MTMR2: variants seen among roughly 807,000 people sequenced by gnomAD.
MTMR2 encodes the protein phosphatidylinositol-3,5-bisphosphate 3-phosphatase MTMR2.
Under a neutral mutation model 86.9 loss-of-function variants are expected in MTMR2, and 55 were observed. The ratio of observed to expected loss-of-function variants is 0.63; its 90% CI spans 0.51 to 0.79. MTMR2 has a LOEUF of 0.79. Ranked by LOEUF, MTMR2 falls within the 30% of genes least tolerant of loss-of-function variation. The pLI, the probability that MTMR2 is intolerant of heterozygous loss-of-function variation, is 0.00. For missense variants in MTMR2, 659 were observed against 772.3 expected, an observed-to-expected ratio of 0.85 and a Z score of 1.74; for synonymous variants, 241 against 266.8, an observed-to-expected ratio of 0.90 and a Z score of 0.94.
At position 95,898,724 on chromosome 11, in the gene MTMR2, G is replaced by A. The variant is rs538301196; in HGVS notation, c.81-10463C>T. On this transcript the variant is annotated intron_variant, in intron 1 of 14. Coordinates refer to ENST00000346299, the MANE Select transcript of MTMR2 (RefSeq NM_016156.6). ...TATCCACAATAATATTGGGGAGAGAGACCACCTAACAATGCTGTATATGAA... is the reference window on the plus strand; with the variant it reads ...TATCCACAATAATATTGGGGAGAGAAACCACCTAACAATGCTGTATATGAA... 6.6e-5 allele frequency among the ~76,000 whole-genome samples: 10 copies of A among 152,222 alleles called. No individual in the cohort carries two copies. The East Asian group carries it at 1.9e-3, about 29-fold the overall frequency.
chr11:95,922,750 G>C (rs1866975389), intron 1 of MTMR2, among the ~76,000 whole-genome samples: 2 of 152,170 alleles, frequency 1.3e-5, no homozygotes, highest in African/African-American at 4.8e-5. Context: ...AGCTATGAGT[G>C]CATATGGCAA....
intron 12 of MTMR2, among the ~76,000 whole-genome samples, chr11:95,839,078 C>T (rs990737017): frequency 6.6e-6 from 1 of 151,870 alleles, no homozygotes; most frequent in Non-Finnish European, 1.5e-5. Flanking sequence ...AGATCCCTTC[C>T]TTTATAGTGG....
At chr11:95,900,428 G>A (rs1181625800) in intron 1 of MTMR2, among the ~76,000 whole-genome samples, 1 of 152,272 alleles carries the variant, frequency 6.6e-6, no homozygotes, top group East Asian at 1.9e-4. Context: ...AGGGAAATGA[G>A]AGAAAAGTCC....
chr11:95,842,147 A>C lies in MTMR2; in HGVS notation c.1387-438T>G, dbSNP rs191997025. The stretch of plus-strand genomic sequence containing the variant: ...AAGAGCATTGCAAAGTAAGTAAAAA[A>C]TCACCCATTATCCTGCCAAGCAGAA... On this transcript the variant is annotated intron_variant, in intron 11 of 14. Coordinates refer to ENST00000346299, the MANE Select transcript of MTMR2 (RefSeq NM_016156.6). 6.1e-3 allele frequency among the ~76,000 whole-genome samples: 936 copies of C among 152,284 alleles called. 12 individuals are homozygous for C. Among genetic ancestry groups the C allele is most frequent in the Non-Finnish European group, 7.0e-3 (477 of 68,022 alleles).
intron 1 of MTMR2, among the ~76,000 whole-genome samples, chr11:95,892,683 C>T (rs1451084090): frequency 1.3e-5 from 2 of 152,190 alleles, no homozygotes; most frequent in African/African-American, 4.8e-5. Context: ...TTCTAGTCAA[C>T]ACTCTGTCGC....
At chr11:95,892,343 G>A (rs775996218) in intron 1 of MTMR2, among the ~76,000 whole-genome samples, 1 of 152,132 alleles carries the variant, frequency 6.6e-6, no homozygotes, top group Non-Finnish European at 1.5e-5. Context: ...GTCTTGGAGT[G>A]TTCCAAGAAG....
intron 5 of MTMR2, among the ~76,000 whole-genome samples, chr11:95,859,828 G>A (rs901483874): frequency 6.6e-6 from 1 of 152,144 alleles, no homozygotes; most frequent in African/African-American, 2.4e-5. Context: ...ACATAAGTAA[G>A]ACAGTATATG....
At chr11:95,851,427 G>A (rs557200093) in intron 7 of MTMR2, among the ~76,000 whole-genome samples, 88 of 151,884 alleles carry the variant, frequency 5.8e-4, no homozygotes, top group African/African-American at 2.1e-3. Context: ...GCAATGGCGC[G>A]ATCTTGGCTA....
At chr11:95,841,887 G>A (rs1863563571) in intron 11 of MTMR2, among the ~76,000 whole-genome samples, 178 bp from the exon 12 acceptor site, 1 of 152,154 alleles carries the variant, frequency 6.6e-6, no homozygotes, top group Non-Finnish European at 1.5e-5. Flanking sequence ...CTTGGAGCCA[G>A]GAATTCGAGA....
At chr11:95,907,714 C>T (rs1406581150) in intron 1 of MTMR2, 1 of 215,968 alleles carries the variant, frequency 4.6e-6, no homozygotes, top group African/African-American at 2.3e-5. Context: ...TCAATGTGCA[C>T]AAATCACTTA....
chr11:95,865,508 T>G (rs1864578891), intron 3 of MTMR2, 93 bp downstream of exon 3: 1 of 1,189,294 alleles, frequency 8.4e-7, no homozygotes, highest in Non-Finnish European at 1.3e-6. Flanking sequence ...GAGGTGTCTC[T>G]GACAGCCAGT....
Position 95,835,274 on chromosome 11 carries a change from C to T in MTMR2, c.*16G>A, listed in dbSNP as rs1280441272. The stretch of plus-strand genomic sequence containing the variant: ...TCAAGAGTGTATAGCAATGATGCCC[C>T]TGATCTTACAGTCCTTTATACAACA... On this transcript the variant is annotated 3_prime_UTR_variant, in exon 15 of 15. Coordinates refer to ENST00000346299, the MANE Select transcript of MTMR2 (RefSeq NM_016156.6). 8 of 1,612,170 alleles carry T rather than the reference C, an allele frequency of 5.0e-6. No individual in the cohort carries two copies. Among genetic ancestry groups the T allele is most frequent in the Non-Finnish European group, 5.9e-6 (7 of 1,178,702 alleles).
intron 1 of MTMR2, among the ~76,000 whole-genome samples, chr11:95,916,605 C>A (rs1048816545): frequency 6.6e-6 from 1 of 151,520 alleles, no homozygotes; most frequent in Non-Finnish European, 1.5e-5. Flanking sequence ...TATATTAAGC[C>A]ACTGTCAGTT....
At chr11:95,900,671 A>G (rs1487461787) in intron 1 of MTMR2, among the ~76,000 whole-genome samples, 1 of 152,016 alleles carries the variant, frequency 6.6e-6, no homozygotes, top group Non-Finnish European at 1.5e-5. Flanking sequence ...TCTCATGCAC[A>G]TCATTCTGCC....
rs1565368414 is a variant in MTMR2 at position 95,877,331 on chromosome 11, C to CTTTTTTTT, written c.186+10824_186+10825insAAAAAAAA. On this transcript the variant is annotated intron_variant, in intron 2 of 14. Coordinates refer to ENST00000346299, the MANE Select transcript of MTMR2 (RefSeq NM_016156.6). Reference sequence around the variant, plus strand: ...CATTCAAGATCAAGCACAGGGAAGCCCTTTTTTTTTTTTTTTTTTTTTTTT... The same window carrying CTTTTTTTT: ...CATTCAAGATCAAGCACAGGGAAGCCTTTTTTTTCTTTTTTTTTTTTTTTTTTTTTTTT... 8.6e-3 allele frequency among the ~76,000 whole-genome samples: 812 copies of CTTTTTTTT among 94,584 alleles called. 174 individuals are homozygous for CTTTTTTTT. The highest frequency in any genetic ancestry group is 0.021 in the African/African-American group (429 of 20,128). 62.1% of individuals were successfully genotyped at this position (94,584 alleles called of 152,430 possible). A position where few individuals can be genotyped will look rare whatever the true frequency, so the allele number is the denominator to read the frequency against.
intron 1 of MTMR2, among the ~76,000 whole-genome samples, chr11:95,923,024 T>C (rs1296101754): frequency 1.3e-5 from 2 of 152,182 alleles, no homozygotes; most frequent in Admixed American, 1.3e-4. Flanking sequence ...TCTTATATTA[T>C]TTTTTAAAAA....
In MTMR2 at chr11:95,838,143, C is replaced by G; in HGVS notation, c.1544G>C (p.Cys515Ser). The G allele has an allele frequency of 1.9e-6, 3 of 1,611,708 alleles. No homozygotes were observed. The highest frequency in any genetic ancestry group is 2.5e-6 in the Non-Finnish European group (3 of 1,178,120). ...LITILDHLYS[C>S]LFGTFLCNSE... Reference sequence around the variant, plus strand: ...ATTACAGAGGAATGTTCCGAATAAGCAGCTGTATAGGTGGTCCAAAATGGT... The same window carrying G: ...ATTACAGAGGAATGTTCCGAATAAGGAGCTGTATAGGTGGTCCAAAATGGT... The change falls in exon 13 of 15, where the codon TGC (cysteine) becomes TCC (serine). Residue 515 changes from cysteine (C) to serine (S), a missense_variant. Transcript: ENST00000346299.
At chr11:95,884,057 T>C (rs946237481) in intron 2 of MTMR2, among the ~76,000 whole-genome samples, 5 of 152,188 alleles carry the variant, frequency 3.3e-5, no homozygotes, top group African/African-American at 1.2e-4. Flanking sequence ...CTTCAAATCA[T>C]CTGTGAATGA....
At chr11:95,842,269 CTAA>C (rs1863579816) in intron 11 of MTMR2, among the ~76,000 whole-genome samples, 1 of 152,110 alleles carries the variant, frequency 6.6e-6, no homozygotes. Context: ...TAAAAGGTTG[CTAA>C]TAAAAGATGG....
Sources: allele counts gnomAD v4.1 joint callset (sites outside exome capture counted in the v4.1 genomes callset), GRCh38; gene constraint gnomAD v4.1.1; transcripts MANE v1.5; gene names NCBI Gene and HGNC (gene_info 2026-07-23, HGNC 2026-07-21).